The following TNS3 variants were observed in gnomAD, a reference collection of about 807,000 sequenced individuals.
The protein encoded by TNS3 is tensin-3.
A neutral mutation model predicts 140.9 loss-of-function variants in TNS3; 45 were observed. The observed-to-expected ratio is 0.32, with a 90% confidence interval of 0.25 to 0.41. TNS3 has a LOEUF of 0.41. Ranked by LOEUF, TNS3 falls within the 10% of genes least tolerant of loss-of-function variation. The probability of loss-of-function intolerance (pLI) is 1.00; values close to 1 mark genes in which losing one functional copy is unlikely to be tolerated. For missense variants in TNS3, 1,716 were observed against 1,906.7 expected, an observed-to-expected ratio of 0.90 and a Z score of 1.86; for synonymous variants, 815 against 788.4, an observed-to-expected ratio of 1.03 and a Z score of -0.56.
chr7:47,578,702 T>C (rs1004759824), intron 1 of TNS3, among the ~76,000 whole-genome samples: 1 of 152,226 alleles, frequency 6.6e-6, no homozygotes, highest in Admixed American at 6.5e-5. Context: ...ATTGCAGTGA[T>C]GGATGTGTAC....
At position 47,426,789 on chromosome 7, in the gene TNS3, A is replaced by G. The variant is rs558076483; in HGVS notation, c.389+1523T>C. On this transcript the variant is annotated intron_variant, in intron 9 of 30. Coordinates refer to ENST00000311160, the MANE Select transcript of TNS3 (RefSeq NM_022748.12). ...AAAAATCCGGGACTATCCACAGTGCATGGAACTTCGGTTCAGGCAGTACTA... is the reference window on the plus strand; with the variant it reads ...AAAAATCCGGGACTATCCACAGTGCGTGGAACTTCGGTTCAGGCAGTACTA... Among the ~76,000 whole-genome samples the G allele has an allele frequency of 2.0e-5, 3 of 152,300 alleles. No individual in the cohort carries two copies. In the South Asian group the frequency reaches 6.2e-4, roughly 32 times the overall value.
chr7:47,453,223 G>A (rs1796102365), intron 4 of TNS3: 2 of 985,228 alleles, frequency 2.0e-6, no homozygotes, highest in African/African-American at 3.5e-5. Context: ...CGGGGCTGAG[G>A]GCCAGCCTGC....
At chr7:47,566,775 C>T (rs914389120) in intron 1 of TNS3, among the ~76,000 whole-genome samples, 2 of 152,136 alleles carry the variant, frequency 1.3e-5, no homozygotes, top group African/African-American at 4.8e-5. Context: ...CACGGTAACT[C>T]ATGCCTGTAA....
chr7:47,559,003 C>G (rs556561573), intron 1 of TNS3, among the ~76,000 whole-genome samples: 3 of 152,314 alleles, frequency 2.0e-5, no homozygotes, highest in South Asian at 2.1e-4. Flanking sequence ...TCGCAACGCC[C>G]GTGTATATAG....
At chr7:47,354,369 G>A (rs996327114) in intron 17 of TNS3, among the ~76,000 whole-genome samples, 30 of 143,032 alleles carry the variant, frequency 2.1e-4, no homozygotes, top group Admixed American at 1.0e-3. Flanking sequence ...GCTCCCCAAC[G>A]TACCCCTTCT....
intron 2 of TNS3, among the ~76,000 whole-genome samples, chr7:47,516,501 C>A (rs1465896986): frequency 6.6e-6 from 1 of 152,114 alleles, no homozygotes; most frequent in Non-Finnish European, 1.5e-5. Flanking sequence ...CTTGTCTACA[C>A]CTGCAGTGAC....
At chr7:47,397,891 C>T (rs926153062) in intron 15 of TNS3, among the ~76,000 whole-genome samples, 1 of 152,092 alleles carries the variant, frequency 6.6e-6, no homozygotes, top group Non-Finnish European at 1.5e-5. Context: ...AAACAAAAAG[C>T]TGGTATTTTG....
intron 20 of TNS3, 130 bp from the exon 21 acceptor site, chr7:47,305,133 T>A: frequency 1.5e-6 from 1 of 657,746 alleles, no homozygotes; most frequent in Admixed American, 4.3e-5. Flanking sequence ...ATGGCCATAC[T>A]GAACATGACA....
Position 47,433,427 on chromosome 7 carries a change from T to C in TNS3, c.324+1855A>G, listed in dbSNP as rs559844603. ...TCTGAGAAGTTTCAACATGTTCCCA[T>C]GAATTCCACTAACAAGAGCTGTCCA... On this transcript the variant is annotated intron_variant, in intron 8 of 30. Coordinates refer to ENST00000311160, the MANE Select transcript of TNS3 (RefSeq NM_022748.12). 3.4e-3 allele frequency among the ~76,000 whole-genome samples: 522 copies of C among 152,312 alleles called. 3 individuals are homozygous for C. Among genetic ancestry groups the C allele is most frequent in the Non-Finnish European group, 6.0e-3 (409 of 68,018 alleles).
chr7:47,567,615 C>T (rs1240977178), intron 1 of TNS3, among the ~76,000 whole-genome samples: 3 of 146,854 alleles, frequency 2.0e-5, no homozygotes, highest in African/African-American at 5.2e-5. Flanking sequence ...AGCTGGGAGA[C>T]GGAGCTTCCA....
chr7:47,450,161 A>G (rs1415694552), intron 4 of TNS3, among the ~76,000 whole-genome samples: 2 of 152,256 alleles, frequency 1.3e-5, no homozygotes, highest in Non-Finnish European at 2.9e-5. Context: ...CTGAAGAGGC[A>G]TGAGGATGCT....
At chr7:47,453,854 G>C (rs1177696525) in intron 4 of TNS3, among the ~76,000 whole-genome samples, 1 of 152,218 alleles carries the variant, frequency 6.6e-6, no homozygotes, top group African/African-American at 2.4e-5. Context: ...AGGGTGGCCA[G>C]CCCGGGCCAC....
intron 16 of TNS3, among the ~76,000 whole-genome samples, chr7:47,395,100 C>T (rs1413365458): frequency 6.6e-6 from 1 of 152,214 alleles, no homozygotes; most frequent in Non-Finnish European, 1.5e-5. Context: ...CCTCCAGGCT[C>T]GCCCCTCCCT....
chr7:47,459,852 G>A (rs1347362433), intron 4 of TNS3, among the ~76,000 whole-genome samples: 4 of 152,166 alleles, frequency 2.6e-5, no homozygotes, highest in Non-Finnish European at 4.4e-5. Flanking sequence ...GTTAATGGAT[G>A]AAATGCATTC....
In TNS3 at chr7:47,400,824, G is replaced by A. The variant is rs747058509; in HGVS notation, c.814C>T (p.Leu272=). 4 of 1,614,080 alleles carry A rather than the reference G, an allele frequency of 2.5e-6. No homozygotes were observed. The highest frequency in any genetic ancestry group is 3.4e-6 in the Non-Finnish European group (4 of 1,180,042). ...TCCAGATCCTCCTTCCCAAACACCA[G>A]CCCGTAGCCCTGCACAGCCCCAGTG... ...FHTGAVQGYG[L]VFGKEDLDNA... is the part of the protein sequence containing the mutation. The change falls in exon 14 of 31, where the codon CTG becomes TTG. Residue 272 remains leucine, a synonymous_variant. Transcript: ENST00000311160.
intron 17 of TNS3, among the ~76,000 whole-genome samples, chr7:47,351,562 T>G (rs905299505): frequency 6.6e-6 from 1 of 152,138 alleles, no homozygotes; most frequent in Non-Finnish European, 1.5e-5. Flanking sequence ...CCAAGGTAGA[T>G]GCCCAGGAAG....
intron 17 of TNS3, among the ~76,000 whole-genome samples, chr7:47,365,775 A>T (rs34177994): frequency 0.54 from 81,371 of 151,946 alleles, 22,971 homozygotes; most frequent in Non-Finnish European, 0.65. Context: ...AATAAATAAA[A>T]AAATAAAGTA....
chr7:47,472,092 A>T (rs1335326923), intron 4 of TNS3, among the ~76,000 whole-genome samples: 2 of 152,154 alleles, frequency 1.3e-5, no homozygotes. Context: ...GCTTGCAGAC[A>T]CGTGGCTCCA....
chr7:47,526,481 G>A (rs578192872), intron 2 of TNS3, among the ~76,000 whole-genome samples: 1 of 152,336 alleles, frequency 6.6e-6, no homozygotes, highest in Admixed American at 6.5e-5. Flanking sequence ...TGCACTTTAA[G>A]CCTGACTTCT....
Sources: gnomAD v4.1 joint callset for allele counts (sites outside exome capture counted in the v4.1 genomes callset) on GRCh38, gnomAD v4.1.1 for gene constraint, MANE v1.5 for transcripts, NCBI Gene and HGNC (gene_info 2026-07-23, HGNC 2026-07-21) for gene names.